The following CERKL variants were observed in gnomAD, a reference collection of about 807,000 sequenced individuals.
The protein encoded by CERKL is ceramide kinase-like protein.
A neutral mutation model predicts 63.4 loss-of-function variants in CERKL; 61 were observed. The observed-to-expected ratio is 0.96, with a 90% CI of 0.78 to 1.19. CERKL has a LOEUF of 1.19. Among genes scored for constraint, CERKL ranks in the 50% most tolerant of loss-of-function variants. The pLI is 0.00. For missense variants in CERKL, 675 were observed against 655.5 expected (o/e 1.03, Z -0.33); for synonymous variants, 250 against 230.5 (o/e 1.08, Z -0.77).
intron 1 of CERKL, among the ~76,000 whole-genome samples, chr2:181,621,840 A>C (rs966994743): frequency 1.3e-5 from 2 of 152,112 alleles, no homozygotes; most frequent in Non-Finnish European, 2.9e-5. Flanking sequence ...GTTTTTTTTT[A>C]GAAAGATAAA....
At chr2:181,587,239 A>G (rs1047852192) in intron 2 of CERKL, among the ~76,000 whole-genome samples, 29 of 152,208 alleles carry the variant, frequency 1.9e-4, no homozygotes, top group Non-Finnish European at 4.4e-5. Context: ...CAAAGTAAAA[A>G]CAAAGCCATG....
intron 2 of CERKL, among the ~76,000 whole-genome samples, chr2:181,601,906 G>A (rs767148792): frequency 3.3e-5 from 5 of 152,184 alleles, no homozygotes; most frequent in Admixed American, 6.5e-5. Context: ...GACTCCCTGA[G>A]TGCCTCCAGC....
intron 1 of CERKL, among the ~76,000 whole-genome samples, chr2:181,620,322 C>A (rs997185024): frequency 6.6e-6 from 1 of 152,108 alleles, no homozygotes; most frequent in African/African-American, 2.4e-5. Context: ...TCATTATTGT[C>A]AGCCAAGGTA....
intron 1 of CERKL, among the ~76,000 whole-genome samples, chr2:181,608,548 G>A (rs913583046): frequency 2.8e-4 from 42 of 152,000 alleles, no homozygotes; most frequent in African/African-American, 9.4e-4. Flanking sequence ...ACATGTTTGT[G>A]CTTTACTTAA....
At chr2:181,567,176 A>T (rs182861195) in intron 3 of CERKL, among the ~76,000 whole-genome samples, 1 of 152,158 alleles carries the variant, frequency 6.6e-6, no homozygotes, top group East Asian at 1.9e-4. Flanking sequence ...TTAAATTCCA[A>T]TCAGAAGAAA....
intron 4 of CERKL, among the ~76,000 whole-genome samples, chr2:181,561,912 C>A (rs1183616144): frequency 6.6e-6 from 1 of 152,152 alleles, no homozygotes; most frequent in Non-Finnish European, 1.5e-5. Flanking sequence ...CTCCTGGGTT[C>A]AAGTGATTCT....
At chr2:181,651,336 T>C (rs541863597) in intron 1 of CERKL, among the ~76,000 whole-genome samples, 46 of 152,326 alleles carry the variant, frequency 3.0e-4, no homozygotes, top group Non-Finnish European at 6.0e-4. Flanking sequence ...TCAAGTGCGA[T>C]TCATCACTGG....
At chr2:181,559,228 T>C (rs1021556958) in intron 4 of CERKL, among the ~76,000 whole-genome samples, 10 of 152,278 alleles carry the variant, frequency 6.6e-5, no homozygotes, top group African/African-American at 2.2e-4. Flanking sequence ...CTGAATTTCA[T>C]CTCCTTGACA....
intron 5 of CERKL, among the ~76,000 whole-genome samples, chr2:181,554,120 A>C (rs753299997): frequency 2.0e-5 from 3 of 148,990 alleles, no homozygotes; most frequent in Non-Finnish European, 4.5e-5. Context: ...GTAGCAGTTC[A>C]TGTAAAGAAT....
intron 12 of CERKL, 71 bp downstream of exon 12, chr2:181,539,021 A>G: frequency 8.8e-7 from 1 of 1,136,442 alleles, no homozygotes; most frequent in Non-Finnish European, 1.3e-6. Flanking sequence ...AGTTCAGAGA[A>G]GAGAGCTTTC....
intron 5 of CERKL, among the ~76,000 whole-genome samples, chr2:181,554,275 C>T (rs1263547574): frequency 1.3e-5 from 2 of 151,744 alleles, no homozygotes; most frequent in African/African-American, 2.4e-5. Context: ...ATGTCTCCCA[C>T]ATCCAAACAG....
intron 2 of CERKL, among the ~76,000 whole-genome samples, chr2:181,592,857 C>CATG (rs1273869891): frequency 1.3e-5 from 2 of 152,012 alleles, no homozygotes; most frequent in African/African-American, 4.8e-5. Flanking sequence ...ACCAAGAAAT[C>CATG]ATGATGATGA....
chr2:181,563,279 T>C (rs1431957680), intron 4 of CERKL, among the ~76,000 whole-genome samples: 1 of 152,110 alleles, frequency 6.6e-6, no homozygotes, highest in Admixed American at 6.6e-5. Context: ...ATACACTGTT[T>C]CTGTTGGGTT....
chr2:181,645,565 T>C (rs1476849757), intron 1 of CERKL, among the ~76,000 whole-genome samples: 2 of 152,176 alleles, frequency 1.3e-5, no homozygotes, highest in African/African-American at 4.8e-5. Context: ...GGAACTTGGG[T>C]AATTTAGGAT....
chr2:181,613,373 G>A (rs1686057198), intron 1 of CERKL, among the ~76,000 whole-genome samples: 1 of 152,154 alleles, frequency 6.6e-6, no homozygotes. Flanking sequence ...TCAGAAACTG[G>A]GGCTGCCTTC....
chr2:181,597,416 T>C (rs1685264354), intron 2 of CERKL, among the ~76,000 whole-genome samples: 1 of 152,210 alleles, frequency 6.6e-6, no homozygotes, highest in African/African-American at 2.4e-5. Flanking sequence ...TGCCAGCTCT[T>C]CTTAGAAAGA....
rs886055317 is a variant in CERKL, at chr2:181,538,092, C to G, written c.*92G>C. 3.5e-6 allele frequency: 3 copies of G among 869,536 alleles called. No individual in the cohort carries two copies. The East Asian group carries it at 7.6e-5, about 22-fold the overall frequency. The allele number at this position is 869,536 out of a possible 1,614,324, so 53.9% of individuals were successfully genotyped here. A position where few individuals can be genotyped will look rare whatever the true frequency, so the allele number is the denominator to read the frequency against. ...AAATTGTCTTCCATGAAACTGGTCC[C>G]AAAAAGGGTGGGGACCACAGGTTTA... is the stretch of plus-strand genomic sequence containing the variant. On this transcript the variant is annotated 3_prime_UTR_variant, in exon 13 of 13. Coordinates refer to ENST00000410087, the MANE Select transcript of CERKL (RefSeq NM_201548.5).
chr2:181,548,473 A>G, intron 8 of CERKL, 72 bp downstream of exon 8: 7 of 1,111,176 alleles, frequency 6.3e-6, no homozygotes, highest in Non-Finnish European at 9.5e-6. Flanking sequence ...CCTAAGTCTG[A>G]TCAATTGTTT....
At chr2:181,645,160 C>T (rs1459500602) in intron 1 of CERKL, among the ~76,000 whole-genome samples, 2 of 152,102 alleles carry the variant, frequency 1.3e-5, no homozygotes, top group Non-Finnish European at 2.9e-5. Flanking sequence ...ACTGGCGATT[C>T]ATTTAAGAAT....
Sources: allele counts gnomAD v4.1 joint callset (sites outside exome capture counted in the v4.1 genomes callset), GRCh38; gene constraint gnomAD v4.1.1; transcripts MANE v1.5; gene names NCBI Gene and HGNC (gene_info 2026-07-23, HGNC 2026-07-21).